ELFN2: variants seen among roughly 807,000 people sequenced by gnomAD.
The protein encoded by ELFN2 is extracellular leucine rich repeat and fibronectin type III domain containing 2, also known as protein phosphatase 1 regulatory subunit 29.
Under a neutral mutation model 45.5 loss-of-function variants are expected in ELFN2, and 17 were observed. The ratio of observed to expected loss-of-function variants is 0.37; its 90% confidence interval spans 0.26 to 0.56. ELFN2 has a LOEUF of 0.56. Among genes scored for constraint, ELFN2 ranks in the 20% least tolerant of loss-of-function variants. ELFN2 has a pLI of 0.77. For synonymous variants in ELFN2, 550 were observed against 551.5 expected (o/e 1.00, Z 0.04); for missense variants, 922 against 1,183.2 (o/e 0.78, Z 3.24).
intron 1 of ELFN2, among the ~76,000 whole-genome samples, chr22:37,422,754 C>T (rs550893216): frequency 1.3e-5 from 2 of 151,804 alleles, no homozygotes; most frequent in South Asian, 4.2e-4. Flanking sequence ...CCACGATGCC[C>T]GAATAATTTT....
chr22:37,352,444 C>T (rs2086595568), intron 1 of ELFN2: 1 of 150,796 alleles, frequency 6.6e-6, no homozygotes, highest in African/African-American at 2.4e-5. Flanking sequence ...TCACATTCTG[C>T]AAACAAAATA....
intron 2 of ELFN2, among the ~76,000 whole-genome samples, chr22:37,394,859 C>A (rs971983036): frequency 3.9e-5 from 6 of 152,168 alleles, no homozygotes; most frequent in Admixed American, 1.3e-4. Flanking sequence ...AATCCCAACA[C>A]TTTAGGAGGC....
chr22:37,381,955 CAAAAAAAAAAAAAAAAAAA>C lies in ELFN2; in HGVS notation c.-462-5978_-462-5960del, dbSNP rs1159476533. Among the ~76,000 whole-genome samples, 12 of 59,234 alleles carry C rather than the reference CAAAAAAAAAAAAAAAAAAA, an allele frequency of 2.0e-4. 1 individual carries two copies. Among genetic ancestry groups the C allele is most frequent in the Admixed American group, 5.3e-4 (2 of 3,790 alleles). The allele number at this position is 59,234 out of a possible 152,430, so 38.9% of individuals were successfully genotyped here. A position where few individuals can be genotyped will look rare whatever the true frequency, so the allele number is the denominator to read the frequency against. On this transcript the variant is annotated intron_variant, in intron 2 of 2. Transcript: ENST00000402918. Reference sequence around the variant, plus strand: ...TGGGCGACAGAGTGAGACTCCGTCTCAAAAAAAAAAAAAAAAAAAAAAAAAAAAAAAAAAAAGAATCTTC... The same window carrying C: ...TGGGCGACAGAGTGAGACTCCGTCTCAAAAAAAAAAAAAAAAAGAATCTTC...
intron 2 of ELFN2, among the ~76,000 whole-genome samples, chr22:37,398,726 G>A (rs935111574): frequency 6.6e-6 from 1 of 151,802 alleles, no homozygotes; most frequent in Non-Finnish European, 1.5e-5. Flanking sequence ...ACTGCTCCCC[G>A]CTTCACACAC....
At chr22:37,394,071 A>T (rs4820287) in intron 2 of ELFN2, among the ~76,000 whole-genome samples, 11 of 152,102 alleles carry the variant, frequency 7.2e-5, no homozygotes, top group African/African-American at 2.7e-4. Context: ...GTACAGATGC[A>T]GGGATGGAGC....
chr22:37,424,310 G>A (rs558302056), intron 1 of ELFN2, among the ~76,000 whole-genome samples: 13 of 152,300 alleles, frequency 8.5e-5, no homozygotes, highest in East Asian at 3.9e-4. Flanking sequence ...ATGCAGATGC[G>A]GCAGGGGTGT....
At chr22:37,352,624 A>T (rs954873498) in intron 1 of ELFN2, among the ~76,000 whole-genome samples, 1 of 150,484 alleles carries the variant, frequency 6.6e-6, no homozygotes, top group Admixed American at 6.6e-5. Context: ...AAGTTGGGGT[A>T]TATATACCAT....
At chr22:37,405,179 G>A (rs1240401739) in intron 2 of ELFN2, among the ~76,000 whole-genome samples, 4 of 140,634 alleles carry the variant, frequency 2.8e-5, no homozygotes, top group Admixed American at 8.0e-5. Context: ...TGCAACCTCC[G>A]CCTCCCGGGT....
intron 2 of ELFN2, among the ~76,000 whole-genome samples, chr22:37,382,560 TTTA>T (rs1455160689): frequency 1.9e-4 from 11 of 58,092 alleles, no homozygotes; most frequent in African/African-American, 1.1e-3. Flanking sequence ...TTTTTTTTTT[TTTA>T]AAAACAGACT....
intron 2 of ELFN2, among the ~76,000 whole-genome samples, chr22:37,405,604 A>C (rs1160045991): frequency 6.6e-6 from 1 of 152,094 alleles, no homozygotes; most frequent in Non-Finnish European, 1.5e-5. Flanking sequence ...TGATGCCCGA[A>C]TAAGAAACAA....
At chr22:37,420,242 T>G in intron 1 of ELFN2, 1 of 151,726 alleles carries the variant, frequency 6.6e-6, no homozygotes. Context: ...TCCGCGGCAG[T>G]TCCCGCCCGC....
Position 37,373,438 on chromosome 22 carries a change from C to G in ELFN2, c.2097G>C (p.Val699=), listed in dbSNP as rs768233564. 1.5e-5 allele frequency: 23 copies of G among 1,550,684 alleles called. 2 individuals are homozygous for G. The South Asian group carries it at 2.6e-4, about 17-fold the overall frequency. ...GCTCGCTGCAGTGGTAGGCCGGCTT[C>G]ACCTCCAGGTGGTGGATGCCCCCGC... ...GGGGGIHHLE[V]KPAYHCSEHR... The change falls in exon 3 of 3, where the codon GTG becomes GTC. Residue 699 remains valine, a synonymous_variant. Coordinates refer to ENST00000402918, the MANE Select transcript of ELFN2 (RefSeq NM_052906.5).
rs1402266102 is a variant in ELFN2, at chr22:37,373,589, T to C, written c.1946A>G (p.Asp649Gly). The change falls in exon 3 of 3, where the codon GAC becomes GGC. Residue 649 changes from aspartate (D) to glycine (G), a missense_variant. Coordinates refer to ENST00000402918, the MANE Select transcript of ELFN2 (RefSeq NM_052906.5). ...AGCCAGCCCTGTGGCGGCCGGATGGTCGGGCACGTCCAGGCTAAAGACCTT... is the reference window on the plus strand; with the variant it reads ...AGCCAGCCCTGTGGCGGCCGGATGGCCGGGCACGTCCAGGCTAAAGACCTT... Reference protein sequence around the residue: ...SAKVFSLDVPDHPAATGLAKG... With the variant: ...SAKVFSLDVPGHPAATGLAKG... 9.3e-6 allele frequency: 15 copies of C among 1,607,100 alleles called. No individual in the cohort carries two copies. Among genetic ancestry groups the C allele is most frequent in the Non-Finnish European group, 1.3e-5 (15 of 1,178,042 alleles).
At chr22:37,391,981 C>G (rs1473744659) in intron 2 of ELFN2, among the ~76,000 whole-genome samples, 2 of 152,248 alleles carry the variant, frequency 1.3e-5, no homozygotes, top group African/African-American at 2.4e-5. Flanking sequence ...AGACCCATCT[C>G]CTCTGCCCCA....
At chr22:37,403,844 G>T (rs5756671) in intron 2 of ELFN2, among the ~76,000 whole-genome samples, 77,682 of 152,184 alleles carry the variant, frequency 0.51, 20,778 homozygotes, top group African/African-American at 0.67. Context: ...CAGAATGAGA[G>T]AGCCTTGGGT....
chr22:37,390,036 A>G (rs866628658), intron 2 of ELFN2, among the ~76,000 whole-genome samples: 41 of 152,196 alleles, frequency 2.7e-4, no homozygotes, highest in African/African-American at 9.4e-4. Context: ...AAGCTGGAAC[A>G]TTCAGACTTA....
At chr22:37,410,759 C>T (rs916290259) in intron 2 of ELFN2, among the ~76,000 whole-genome samples, 1 of 152,216 alleles carries the variant, frequency 6.6e-6, no homozygotes, top group African/African-American at 2.4e-5. Flanking sequence ...ATGATCGGGC[C>T]GGAGCCCCAC....
intron 2 of ELFN2, among the ~76,000 whole-genome samples, chr22:37,379,008 G>C (rs1200288727): frequency 6.6e-6 from 1 of 152,190 alleles, no homozygotes; most frequent in Non-Finnish European, 1.5e-5. Context: ...ACACACAGCA[G>C]GGGGGACAGG....
At chr22:37,400,082 C>A (rs960534909) in intron 2 of ELFN2, among the ~76,000 whole-genome samples, 1 of 152,148 alleles carries the variant, frequency 6.6e-6, no homozygotes, top group Non-Finnish European at 1.5e-5. Context: ...CCAGCCCATG[C>A]AGCAGGTCCC....
Sources: allele counts gnomAD v4.1 joint callset (sites outside exome capture counted in the v4.1 genomes callset), GRCh38; gene constraint gnomAD v4.1.1; transcripts MANE v1.5; gene names NCBI Gene and HGNC (gene_info 2026-07-23, HGNC 2026-07-21).